ASIC2: variants seen among roughly 807,000 people sequenced by gnomAD.
The protein encoded by ASIC2 is acid-sensing ion channel 2.
ASIC2 carries 25 observed loss-of-function variants against 57.3 expected under a neutral mutation model. The observed-to-expected ratio is 0.44, with a 90% CI of 0.32 to 0.61. The LOEUF (loss-of-function observed/expected upper bound fraction) is 0.61, where lower values mean the gene tolerates loss of function less well. Ranked by LOEUF, ASIC2 falls within the 20% of genes least tolerant of loss-of-function variation. The pLI, the probability that ASIC2 is intolerant of heterozygous loss-of-function variation, is 0.06. For missense variants in ASIC2, 641 were observed against 738.1 expected (o/e 0.87, Z 1.52); for synonymous variants, 319 against 307.5 (o/e 1.04, Z -0.39).
intron 1 of ASIC2, 50 bp from the exon 2 acceptor site, chr17:33,112,117 C>T (rs150196165): frequency 2.3e-5 from 35 of 1,551,786 alleles, no homozygotes; most frequent in Admixed American, 1.9e-4. Context: ...TAACTTCAGA[C>T]GGGGGTCCAG....
intron 1 of ASIC2, among the ~76,000 whole-genome samples, chr17:33,681,605 G>A (rs1567687606): frequency 6.6e-6 from 1 of 152,158 alleles, no homozygotes; most frequent in Non-Finnish European, 1.5e-5. Context: ...AGTGAGCAAG[G>A]CTCTGCGCAG....
chr17:34,110,939 A>T (rs765613885), intron 1 of ASIC2, among the ~76,000 whole-genome samples: 2 of 152,136 alleles, frequency 1.3e-5, no homozygotes, highest in Non-Finnish European at 2.9e-5. Flanking sequence ...AATTATAGGC[A>T]CAAGCCAGAC....
intron 1 of ASIC2, among the ~76,000 whole-genome samples, chr17:34,016,804 T>C (rs1031700322): frequency 6.6e-6 from 1 of 152,248 alleles, no homozygotes; most frequent in Non-Finnish European, 1.5e-5. Flanking sequence ...CATGTTTATA[T>C]GTTACTTTTA....
At chr17:33,639,778 A>AAG (rs1555549191) in intron 1 of ASIC2, among the ~76,000 whole-genome samples, 1 of 150,980 alleles carries the variant, frequency 6.6e-6, no homozygotes, top group Non-Finnish European at 1.5e-5. Context: ...AAAAAAAAAA[A>AAG]GCGGAACAAA....
chr17:33,613,105 C>G (rs1012494883), intron 1 of ASIC2, among the ~76,000 whole-genome samples: 2 of 152,134 alleles, frequency 1.3e-5, no homozygotes, highest in African/African-American at 4.8e-5. Flanking sequence ...AACAAAATGA[C>G]AGTCACTAGT....
At chr17:33,082,028 A>G (rs562431768) in intron 3 of ASIC2, among the ~76,000 whole-genome samples, 80 of 152,316 alleles carry the variant, frequency 5.3e-4, no homozygotes, top group South Asian at 3.9e-3. Flanking sequence ...ATACAGCTCA[A>G]GTGATATAAA....
intron 1 of ASIC2, among the ~76,000 whole-genome samples, chr17:33,424,233 C>T (rs559429631): frequency 6.6e-6 from 1 of 152,326 alleles, no homozygotes; most frequent in African/African-American, 2.4e-5. Flanking sequence ...CCCATTTCTC[C>T]TCCTGCCACC....
At chr17:33,123,997 A>G (rs2092313344) in intron 1 of ASIC2, among the ~76,000 whole-genome samples, 1 of 152,260 alleles carries the variant, frequency 6.6e-6, no homozygotes, top group Non-Finnish European at 1.5e-5. Context: ...TTTACAGAAG[A>G]AAAGCACATG....
chr17:33,792,581 T>C (rs1474198853), intron 1 of ASIC2: 1 of 152,208 alleles, frequency 6.6e-6, no homozygotes, highest in Non-Finnish European at 1.5e-5. Flanking sequence ...GAAGCCAAAA[T>C]TTGAAAACTG....
chr17:33,458,968 T>C (rs555925007), intron 1 of ASIC2, among the ~76,000 whole-genome samples: 4 of 152,292 alleles, frequency 2.6e-5, no homozygotes, highest in African/African-American at 7.2e-5. Flanking sequence ...TCAAGACTGA[T>C]GGTCTCATTA....
chr17:33,227,873 G>C (rs1907946763), intron 1 of ASIC2, among the ~76,000 whole-genome samples: 1 of 152,210 alleles, frequency 6.6e-6, no homozygotes, highest in Admixed American at 6.5e-5. Flanking sequence ...GCCCTTACCT[G>C]TTGTGCTCTA....
intron 1 of ASIC2, among the ~76,000 whole-genome samples, chr17:33,166,036 CCAGAGACATTA>C (rs1905296471): frequency 6.6e-6 from 1 of 152,160 alleles, no homozygotes; most frequent in Non-Finnish European, 1.5e-5. Context: ...ACTGTAATAT[CCAGAGACATTA>C]CGCATGTATG....
At chr17:34,109,224 CTT>C (rs1193549218) in intron 1 of ASIC2, among the ~76,000 whole-genome samples, 4 of 151,950 alleles carry the variant, frequency 2.6e-5, no homozygotes, top group African/African-American at 9.7e-5. Flanking sequence ...CTGTTTAACT[CTT>C]TGTTTTTTGA....
chr17:33,849,315 C>G (rs1348691203), intron 1 of ASIC2, among the ~76,000 whole-genome samples: 1 of 152,176 alleles, frequency 6.6e-6, no homozygotes, highest in Admixed American at 6.5e-5. Flanking sequence ...CAGACACTGG[C>G]TGGGGACTAG....
At chr17:33,611,198 G>C (rs914487157) in intron 1 of ASIC2, among the ~76,000 whole-genome samples, 3 of 152,096 alleles carry the variant, frequency 2.0e-5, no homozygotes, top group African/African-American at 4.8e-5. Flanking sequence ...CTCCTGTCCA[G>C]ATTTAAACAC....
intron 1 of ASIC2, among the ~76,000 whole-genome samples, chr17:33,831,570 CTCTGA>C (rs992190942): frequency 2.8e-5 from 4 of 144,890 alleles, no homozygotes; most frequent in African/African-American, 1.0e-4. Context: ...TAAAATCTTT[CTCTGA>C]TCTGAAGTAA....
At chr17:33,360,966 G>A (rs1908580251) in intron 1 of ASIC2, among the ~76,000 whole-genome samples, 2 of 152,180 alleles carry the variant, frequency 1.3e-5, no homozygotes, top group South Asian at 4.1e-4. Flanking sequence ...CAGAAGAACA[G>A]TGAGCCTGCC....
At chr17:34,113,345 G>A (rs1247986332) in intron 1 of ASIC2, among the ~76,000 whole-genome samples, 1 of 152,150 alleles carries the variant, frequency 6.6e-6, no homozygotes, top group Admixed American at 6.5e-5. Context: ...AGGATTGCTT[G>A]AGCTCAAGGG....
intron 1 of ASIC2, among the ~76,000 whole-genome samples, chr17:33,812,749 T>C (rs945290762): frequency 3.9e-5 from 6 of 151,992 alleles, no homozygotes; most frequent in Admixed American, 1.3e-4. Context: ...GATGGTGAAA[T>C]TGAATCAGAT....
Sources: allele counts gnomAD v4.1 joint callset (sites outside exome capture counted in the v4.1 genomes callset), GRCh38; gene constraint gnomAD v4.1.1; transcripts MANE v1.5; gene names NCBI Gene and HGNC (gene_info 2026-07-23, HGNC 2026-07-21).